The following DYNC2I1 variants were observed in gnomAD, a reference collection of about 807,000 sequenced individuals.
DYNC2I1 encodes cytoplasmic dynein 2 intermediate chain 1.
A neutral mutation model predicts 133.4 loss-of-function variants in DYNC2I1; 89 were observed. The ratio of observed to expected loss-of-function variants is 0.67; its 90% CI spans 0.56 to 0.80. The LOEUF is 0.80. DYNC2I1 is among the 30% of genes least tolerant of loss of function. The pLI is 0.00. For missense variants in DYNC2I1, 1,291 were observed against 1,314.5 expected (o/e 0.98, Z 0.28); for synonymous variants, 504 against 484.3 (o/e 1.04, Z -0.54).
intron 3 of DYNC2I1, among the ~76,000 whole-genome samples, chr7:158,875,418 A>G (rs557759899): frequency 3.8e-4 from 58 of 152,266 alleles, no homozygotes; most frequent in African/African-American, 1.4e-3. Context: ...GAATGAATGC[A>G]CTTTGCCTCA....
chr7:158,909,835 G>C (rs1047827256), intron 11 of DYNC2I1, among the ~76,000 whole-genome samples: 1 of 152,182 alleles, frequency 6.6e-6, no homozygotes, highest in Non-Finnish European at 1.5e-5. Flanking sequence ...GATGAAAATG[G>C]AAGTTGAGAG....
chr7:158,934,848 A>G (rs1478652417), intron 23 of DYNC2I1, among the ~76,000 whole-genome samples: 1 of 152,234 alleles, frequency 6.6e-6, no homozygotes, highest in Non-Finnish European at 1.5e-5. Context: ...TGGGCAGCAT[A>G]ACACTTGCAG....
chr7:158,911,655 CTTTGGG>C lies in DYNC2I1; in HGVS notation c.1567_1572del (p.Phe523_Gly524del). 1 of 1,604,710 alleles carries C rather than the reference CTTTGGG, an allele frequency of 6.2e-7. No individual in the cohort carries two copies. On this transcript the variant is annotated inframe_deletion, in exon 12 of 25. Coordinates refer to ENST00000407559, the MANE Select transcript of DYNC2I1 (RefSeq NM_018051.5). ...ATGAATATGACATGTATATCAGAAA[CTTTGGG>C]AAAAAAAATACCAAGCAGGTAAGTA...
At chr7:158,839,814 C>A in the DYNC2I1 span, among the ~76,000 whole-genome samples, 3 of 138,064 alleles carry the variant, frequency 2.2e-5, no homozygotes, top group Non-Finnish European at 4.6e-5. Flanking sequence ...AATGAGACTC[C>A]GTCTCAAAAA....
At chr7:158,905,266 G>C (rs1347180033) in intron 10 of DYNC2I1, 3 of 346,240 alleles carry the variant, frequency 8.7e-6, no homozygotes, top group Non-Finnish European at 1.6e-5. Context: ...TCAGCCTCCC[G>C]AGTAGCTGGG....
intron 8 of DYNC2I1, among the ~76,000 whole-genome samples, chr7:158,893,819 C>T (rs1048258581): frequency 8.6e-5 from 13 of 150,556 alleles, no homozygotes; most frequent in Non-Finnish European, 1.5e-4. Context: ...CATATCATAC[C>T]GTATATCATA....
intron 11 of DYNC2I1, among the ~76,000 whole-genome samples, chr7:158,906,829 C>T (rs542124266): frequency 6.6e-6 from 1 of 152,292 alleles, no homozygotes; most frequent in East Asian, 1.9e-4. Context: ...CTTCCTTAGT[C>T]AGTACTCAAT....
upstream of DYNC2I1, among the ~76,000 whole-genome samples, chr7:158,854,097 C>A (rs1241167127): frequency 1.3e-5 from 2 of 152,066 alleles, no homozygotes; most frequent in African/African-American, 2.4e-5. Flanking sequence ...AAGCTGTCTT[C>A]TTGCGCTGAG....
chr7:158,954,907 GC>G (rs1442744365), intron 4 of DYNC2I1, among the ~76,000 whole-genome samples: 3 of 132,952 alleles, frequency 2.3e-5, no homozygotes. Context: ...CCCCCACCAT[GC>G]CCCGTCCCCC....
chr7:158,915,973 G>A (rs1585148118), intron 14 of DYNC2I1, among the ~76,000 whole-genome samples: 1 of 134,504 alleles, frequency 7.4e-6, no homozygotes, highest in African/African-American at 2.9e-5. Context: ...TGACATTAAG[G>A]ATGATTGTGA....
At chr7:158,926,754 C>T (rs553156992) in intron 19 of DYNC2I1, among the ~76,000 whole-genome samples, 20 of 152,304 alleles carry the variant, frequency 1.3e-4, no homozygotes, top group Admixed American at 1.0e-3. Context: ...TTGGCTTGTC[C>T]TGGAGGATGC....
At chr7:158,949,025 A>G (rs936391983), downstream of DYNC2I1, among the ~76,000 whole-genome samples, 2 of 152,120 alleles carry the variant, frequency 1.3e-5, no homozygotes, top group East Asian at 3.9e-4. Context: ...ACTGGAGAAC[A>G]TGGCACAGAA....
chr7:158,902,441 A>G lies in DYNC2I1; in HGVS notation c.1203A>G (p.Ser401=). Residue 401 remains serine (S), a synonymous_variant, in exon 10 of 25, where the codon TCA becomes TCG. Transcript: ENST00000407559. Reference sequence around the variant, plus strand: ...ATGAAAGCAGTAATGAACCTGAGTCAAGAGAAAAACTGGAAGAACTTCCTC... The same window carrying G: ...ATGAAAGCAGTAATGAACCTGAGTCGAGAGAAAAACTGGAAGAACTTCCTC... ...DDDESSNEPE[S]REKLEELPLA... 1.1e-5 allele frequency: 17 copies of G among 1,613,952 alleles called. No homozygotes were observed. Among genetic ancestry groups the G allele is most frequent in the Non-Finnish European group, 1.4e-5 (17 of 1,179,892 alleles).
intron 1 of DYNC2I1, among the ~76,000 whole-genome samples, chr7:158,867,735 G>T (rs752342565): frequency 6.6e-6 from 1 of 152,222 alleles, no homozygotes; most frequent in Middle Eastern, 3.4e-3. Flanking sequence ...GGCTGGTGCC[G>T]GCCTCTCCTG....
At chr7:158,880,399 T>C (rs981029289) in intron 5 of DYNC2I1, among the ~76,000 whole-genome samples, 31 of 151,894 alleles carry the variant, frequency 2.0e-4, no homozygotes, top group African/African-American at 6.8e-4. Flanking sequence ...TAGTGGGGCA[T>C]GGTGGTAGGT....
At chr7:158,929,765 C>G (rs899707443) in intron 20 of DYNC2I1, among the ~76,000 whole-genome samples, 4 of 152,184 alleles carry the variant, frequency 2.6e-5, no homozygotes, top group African/African-American at 9.7e-5. Context: ...TCTAGTTTTT[C>G]CCCTTGTAGT....
intron 5 of DYNC2I1, among the ~76,000 whole-genome samples, chr7:158,883,615 C>T (rs112979527): frequency 1.4e-5 from 2 of 144,328 alleles, no homozygotes; most frequent in African/African-American, 2.5e-5. Flanking sequence ...TGAGTAAGTA[C>T]AATAAATATA....
chr7:158,904,229 T>C (rs1846534002), intron 10 of DYNC2I1: 2 of 152,214 alleles, frequency 1.3e-5, no homozygotes, highest in African/African-American at 4.8e-5. Context: ...TCTTTAGGGT[T>C]GTTGTGAAGA....
chr7:158,945,564 T>TCTCCCTGCAG lies in DYNC2I1; in HGVS notation c.3003-17_3003-16insCTCCCTGCAG. The TCTCCCTGCAG allele has an allele frequency of 6.3e-7, 1 of 1,592,014 alleles. No individual in the cohort carries two copies. The highest frequency in any genetic ancestry group is 2.3e-5 in the East Asian group (1 of 43,830). On this transcript the variant is annotated splice_polypyrimidine_tract_variant and intron_variant, in intron 24 of 24. Transcript: ENST00000407559. This position sits in a 1 kb window ranked among gnomAD's most constrained non-coding sequence, Gnocchi z 4.1. ...TTTGTGTGCACTGACCCTCTGCTTC[T>TCTCCCTGCAG]GCCCCTCTCCCTGCAGGCTGGTGGC...
Sources: allele counts gnomAD v4.1 joint callset (sites outside exome capture counted in the v4.1 genomes callset), GRCh38; gene constraint gnomAD v4.1.1; non-coding constraint Gnocchi (gnomAD v3.1); transcripts MANE v1.5; gene names NCBI Gene and HGNC (gene_info 2026-07-23, HGNC 2026-07-21).